Variants in ARHGEF38 observed in about 807,000 individuals in gnomAD.
ARHGEF38 encodes Rho guanine nucleotide exchange factor 38, also known as Rho guanine nucleotide exchange factor (GEF) 38.
Under a neutral mutation model 79.9 loss-of-function variants are expected in ARHGEF38, and 79 were observed. That is an observed-to-expected ratio of 0.99 (90% CI 0.82 to 1.19). The LOEUF is 1.19. ARHGEF38 is among the 50% of genes most tolerant of loss of function. The probability of loss-of-function intolerance (pLI) is 0.00; values close to 1 mark genes in which losing one functional copy is unlikely to be tolerated. For synonymous variants in ARHGEF38, 366 were observed against 328.3 expected, an observed-to-expected ratio of 1.11 and a Z score of -1.24; for missense variants, 962 against 907.2, an observed-to-expected ratio of 1.06 and a Z score of -0.78.
intron 10 of ARHGEF38, among the ~76,000 whole-genome samples, chr4:105,665,172 T>A (rs1231697285): frequency 6.6e-6 from 1 of 151,702 alleles, no homozygotes; most frequent in African/African-American, 2.4e-5. Flanking sequence ...TAATTTTATT[T>A]ATTAATTATT....
Position 105,645,212 on chromosome 4 carries a change from G to T in ARHGEF38, c.699G>T (p.Met233Ile). 6.6e-7 allele frequency: 1 copy of T among 1,526,450 alleles called. No homozygotes were observed. Among genetic ancestry groups the T allele is most frequent in the Non-Finnish European group, 8.8e-7 (1 of 1,142,414 alleles). 94.6% of individuals were successfully genotyped at this position (1,526,450 alleles called of 1,614,324 possible). A position where few individuals can be genotyped will look rare whatever the true frequency, so the allele number is the denominator to read the frequency against. ...GAGGCAAACCAAACTTATTGGACAT[G>T]GGCTCTTTGATGATCAAACCAATTC... ...MQEGKPNLLD[M>I]GSLMIKPIQR... The change falls in exon 6 of 14, where the codon ATG becomes ATT. Residue 233 changes from methionine to isoleucine, a missense_variant. Met to Ile is a conservative substitution (Grantham distance 10). Transcript: ENST00000420470.
chr4:105,607,959 G>T (rs1253486842), intron 2 of ARHGEF38, among the ~76,000 whole-genome samples: 1 of 151,382 alleles, frequency 6.6e-6, no homozygotes, highest in Admixed American at 6.6e-5. Context: ...GTCCAGTTAG[G>T]CTTCTATTTA....
Position 105,670,531 on chromosome 4 carries a change from A to G in ARHGEF38, c.2148+2828A>G, listed in dbSNP as rs920143334. ...ATTGTAAGAGTTCTTTATAAACCTG[A>G]GTGCAAGTTTTTTTTTAATCAGATA... On this transcript the variant is annotated intron_variant, in intron 13 of 13. Coordinates refer to ENST00000420470, the MANE Select transcript of ARHGEF38 (RefSeq NM_001242729.2). Among the ~76,000 whole-genome samples the G allele has an allele frequency of 4.0e-4, 61 of 151,930 alleles. 1 individual carries two copies. The highest frequency in any genetic ancestry group is 1.5e-4 in the Non-Finnish European group (10 of 67,984).
chr4:105,634,100 C>T (rs1729304459), intron 4 of ARHGEF38, among the ~76,000 whole-genome samples: 1 of 152,144 alleles, frequency 6.6e-6, no homozygotes, highest in Non-Finnish European at 1.5e-5. Flanking sequence ...TTCCTATGCT[C>T]TGCCTCAGAC....
rs1015946611 is a variant in ARHGEF38, at chr4:105,680,013, T to C, written c.*2076T>C. ...GTGCATTCTGTTTTGTGCGGATTCA[T>C]GGCCATGTCAGTTACATTCTTCTTC... is the stretch of plus-strand genomic sequence containing the variant. On this transcript the variant is annotated 3_prime_UTR_variant, in exon 14 of 14. Coordinates refer to ENST00000420470, the MANE Select transcript of ARHGEF38 (RefSeq NM_001242729.2). The C allele has an allele frequency of 5.8e-6, 6 of 1,030,052 alleles. No homozygotes were observed. Among genetic ancestry groups the C allele is most frequent in the South Asian group, 3.8e-5 (3 of 79,404 alleles). 63.8% of individuals were successfully genotyped at this position (1,030,052 alleles called of 1,614,324 possible). A position where few individuals can be genotyped will look rare whatever the true frequency, so the allele number is the denominator to read the frequency against.
intron 2 of ARHGEF38, among the ~76,000 whole-genome samples, chr4:105,594,778 C>A (rs1478979577): frequency 6.6e-6 from 1 of 152,148 alleles, no homozygotes; most frequent in Non-Finnish European, 1.5e-5. Context: ...TATGTCAGAC[C>A]TTTACCGAAC....
intron 1 of ARHGEF38, among the ~76,000 whole-genome samples, chr4:105,569,276 A>G (rs944720354): frequency 3.3e-5 from 5 of 152,216 alleles, no homozygotes; most frequent in African/African-American, 1.2e-4. Flanking sequence ...ATATTATGCT[A>G]AACAACATGC....
chr4:105,595,346 T>C (rs556496356), intron 2 of ARHGEF38, among the ~76,000 whole-genome samples: 5 of 152,304 alleles, frequency 3.3e-5, no homozygotes, highest in African/African-American at 4.8e-5. Flanking sequence ...TGCTCAAAAA[T>C]TTGTGTTTTC....
At chr4:105,558,324 A>G (rs563750098) in intron 1 of ARHGEF38, among the ~76,000 whole-genome samples, 1 of 152,320 alleles carries the variant, frequency 6.6e-6, no homozygotes, top group Non-Finnish European at 1.5e-5. Context: ...CAAATGAAGA[A>G]TGGAGTAAAA....
rs61734911 is a variant in ARHGEF38, at chr4:105,648,577, T to C, written c.903T>C (p.Asp301=). The C allele has an allele frequency of 2.3e-4, 354 of 1,524,528 alleles. No homozygotes were observed. Among genetic ancestry groups the C allele is most frequent in the Non-Finnish European group, 3.0e-4 (340 of 1,142,870 alleles). 94.4% of individuals were successfully genotyped at this position (1,524,528 alleles called of 1,614,324 possible). ...LVLKYKKNDE[D]ESLKDKLSKL... The stretch of plus-strand genomic sequence containing the variant: ...TAAAATACAAGAAGAATGACGAGGA[T>C]GAATCACTTAAAGACAAATTGTCTA... Residue 301 remains aspartate (D), a synonymous_variant, in exon 7 of 14, where the codon GAT becomes GAC. Coordinates refer to ENST00000420470, the MANE Select transcript of ARHGEF38 (RefSeq NM_001242729.2).
At chr4:105,561,400 T>TAGAATAGAATGGAATAGAATAGAATAG (rs59437354) in intron 1 of ARHGEF38, among the ~76,000 whole-genome samples, 5 of 30,150 alleles carry the variant, frequency 1.7e-4, no homozygotes, top group East Asian at 1.1e-3. Flanking sequence ...TAGAGTAGAA[T>TAGAATAGAATGGAATAGAATAGAATAG]AATAGAATAG....
rs186695297 is a variant in ARHGEF38 at position 105,590,047 on chromosome 4, A to G, written c.384+612A>G. On this transcript the variant is annotated intron_variant, in intron 2 of 13. Coordinates refer to ENST00000420470, the MANE Select transcript of ARHGEF38 (RefSeq NM_001242729.2). ...AGTGAGACTCTGTCTCAAAAAAAAA[A>G]AGAGAGAAAGAAAGAAAAAGAAAGA... Among the ~76,000 whole-genome samples, 15 of 150,278 alleles carry G rather than the reference A, an allele frequency of 1.0e-4. No individual in the cohort carries two copies. In the East Asian group the frequency reaches 2.5e-3, roughly 25 times the overall value.
chr4:105,637,244 C>A (rs573748306), intron 5 of ARHGEF38, among the ~76,000 whole-genome samples: 1 of 152,104 alleles, frequency 6.6e-6, no homozygotes, highest in South Asian at 2.1e-4. Context: ...ATCTGTCATT[C>A]ATATTTTGGT....
At chr4:105,596,768 T>G (rs1177591469) in intron 2 of ARHGEF38, among the ~76,000 whole-genome samples, 2 of 152,206 alleles carry the variant, frequency 1.3e-5, no homozygotes, top group African/African-American at 4.8e-5. Context: ...GAGTTCCATA[T>G]CCTGCCCTCT....
intron 3 of ARHGEF38, among the ~76,000 whole-genome samples, chr4:105,620,218 G>A (rs1183241308): frequency 1.3e-5 from 2 of 152,158 alleles, no homozygotes; most frequent in East Asian, 3.9e-4. Context: ...ATGAAATGTG[G>A]CTCTTGTTTC....
At chr4:105,561,439 A>AGAATGGAATGGAATG (rs1725556797) in intron 1 of ARHGEF38, among the ~76,000 whole-genome samples, 1 of 44,682 alleles carries the variant, frequency 2.2e-5, no homozygotes, top group African/African-American at 9.9e-5. Context: ...AGAATAGAAT[A>AGAATGGAATGGAATG]GAATAGAATG....
intron 5 of ARHGEF38, among the ~76,000 whole-genome samples, chr4:105,642,961 C>A (rs763345474): frequency 6.6e-6 from 1 of 151,860 alleles, no homozygotes; most frequent in Non-Finnish European, 1.5e-5. Context: ...CCTTTCATAT[C>A]CTTGACTTGT....
intron 1 of ARHGEF38, 119 bp downstream of exon 1, chr4:105,553,080 C>G: frequency 1.4e-6 from 1 of 708,504 alleles, no homozygotes; most frequent in Non-Finnish European, 2.2e-6. Context: ...ACCTCTCCTT[C>G]CCACAAAATA....
chr4:105,645,684 C>T lies in ARHGEF38; in HGVS notation c.874+297C>T, dbSNP rs543733600. On this transcript the variant is annotated intron_variant, in intron 6 of 13. Transcript: ENST00000420470. ...GCTGAAGAAACCCATTGCATATAGT[C>T]CTCCTGTCACTGGAGATATGTGTGG... Among the ~76,000 whole-genome samples, 20 of 152,300 alleles carry T rather than the reference C, an allele frequency of 1.3e-4. No homozygotes were observed. In the East Asian group the frequency reaches 3.5e-3, roughly 26 times the overall value.
Sources: gnomAD v4.1 joint callset for allele counts (sites outside exome capture counted in the v4.1 genomes callset) on GRCh38, gnomAD v4.1.1 for gene constraint, MANE v1.5 for transcripts, NCBI Gene and HGNC (gene_info 2026-07-23, HGNC 2026-07-21) for gene names.